The following GLDC variants were observed in gnomAD, a reference collection of about 807,000 sequenced individuals.
GLDC encodes the protein glycine dehydrogenase (decarboxylating), mitochondrial.
GLDC carries 104 observed loss-of-function variants against 121.3 expected under a neutral mutation model. The ratio of observed to expected loss-of-function variants is 0.86; its 90% CI spans 0.73 to 1.01. The LOEUF (loss-of-function observed/expected upper bound fraction) is 1.01. Ranked by LOEUF, GLDC falls within the 50% of genes least tolerant of loss-of-function variation. The probability of loss-of-function intolerance (pLI) is 0.00; values close to 1 mark genes in which losing one functional copy is unlikely to be tolerated. For synonymous variants in GLDC, 546 were observed against 480.6 expected (o/e 1.14, Z -1.78); for missense variants, 1,429 against 1,306.6 (o/e 1.09, Z -1.44).
chr9:6,616,145 T>A (rs1232311510), intron 3 of GLDC, among the ~76,000 whole-genome samples: 1 of 152,142 alleles, frequency 6.6e-6, no homozygotes, highest in Non-Finnish European at 1.5e-5. Flanking sequence ...AAAGTTGGAG[T>A]TTTTTTCGTT....
chr9:6,583,365 A>G (rs1408653442), intron 15 of GLDC, among the ~76,000 whole-genome samples: 2 of 152,216 alleles, frequency 1.3e-5, no homozygotes, highest in Non-Finnish European at 2.9e-5. Flanking sequence ...TATATATGCA[A>G]TGAAATATTC....
intron 3 of GLDC, 129 bp downstream of exon 3, chr9:6,620,055 G>A (rs1402906582): frequency 3.0e-5 from 27 of 889,410 alleles, no homozygotes; most frequent in African/African-American, 2.0e-4. Context: ...GTAGGTTCCC[G>A]GACATTGGAG....
At chr9:6,610,404 A>C in intron 3 of GLDC, 48 bp from the exon 4 acceptor site, 2 of 1,587,180 alleles carry the variant, frequency 1.3e-6, no homozygotes, top group Non-Finnish European at 1.7e-6. Flanking sequence ...CTGTTTAGAG[A>C]AGCACACAAA....
At chr9:6,599,743 A>G (rs918656905) in intron 8 of GLDC, among the ~76,000 whole-genome samples, 1 of 151,948 alleles carries the variant, frequency 6.6e-6, no homozygotes, top group South Asian at 2.1e-4. Context: ...AACAACCAAA[A>G]AAACAAATAA....
At chr9:6,538,103 A>G (rs1404776473) in intron 22 of GLDC, among the ~76,000 whole-genome samples, 1 of 150,320 alleles carries the variant, frequency 6.7e-6, no homozygotes, top group Non-Finnish European at 1.5e-5. Context: ...CACTCAAACC[A>G]GACAGGGATT....
chr9:6,600,686 A>G (rs546799609), intron 8 of GLDC, among the ~76,000 whole-genome samples: 12 of 151,944 alleles, frequency 7.9e-5, no homozygotes, highest in Admixed American at 2.0e-4. Flanking sequence ...GAAGAAAAAA[A>G]AAGAAGAAGA....
At chr9:6,549,909 A>G (rs1817475685) in intron 21 of GLDC, among the ~76,000 whole-genome samples, 2 of 152,092 alleles carry the variant, frequency 1.3e-5, no homozygotes, top group African/African-American at 2.4e-5. Flanking sequence ...TTTAATGGCT[A>G]TTGTCCAGCT....
At chr9:6,547,245 T>C (rs528446806) in intron 21 of GLDC, among the ~76,000 whole-genome samples, 5 of 152,222 alleles carry the variant, frequency 3.3e-5, no homozygotes, top group South Asian at 2.1e-4. Context: ...TTTTAAGATA[T>C]GGAAACAACA....
chr9:6,586,834 G>T (rs1160000986), intron 15 of GLDC, among the ~76,000 whole-genome samples: 1 of 152,116 alleles, frequency 6.6e-6, no homozygotes, highest in African/African-American at 2.4e-5. Context: ...CTGGGAACAC[G>T]CATTCTGAAC....
chr9:6,575,786 CATCAT>C (rs1818053211), intron 15 of GLDC, among the ~76,000 whole-genome samples: 1 of 152,208 alleles, frequency 6.6e-6, no homozygotes, highest in Non-Finnish European at 1.5e-5. Context: ...TTAAACATCA[CATCAT>C]AATTCTAAAC....
At chr9:6,565,538 T>G in intron 15 of GLDC, 109 bp from the exon 16 acceptor site, 1 of 826,974 alleles carries the variant, frequency 1.2e-6, no homozygotes, top group Middle Eastern at 2.3e-4. Flanking sequence ...TGACACATGG[T>G]CACTGTCCAG....
intron 15 of GLDC, among the ~76,000 whole-genome samples, chr9:6,578,342 C>G (rs1818112784): frequency 6.6e-6 from 1 of 151,908 alleles, no homozygotes; most frequent in African/African-American, 2.4e-5. Flanking sequence ...GTCTTGAACT[C>G]CTGAGCTCAA....
At chr9:6,544,953 G>T (rs1256638373) in intron 21 of GLDC, among the ~76,000 whole-genome samples, 1 of 152,026 alleles carries the variant, frequency 6.6e-6, no homozygotes, top group Non-Finnish European at 1.5e-5. Flanking sequence ...TACAAAGTTA[G>T]CCAGGCATGG....
chr9:6,563,549 A>G (rs1356597184), intron 16 of GLDC, among the ~76,000 whole-genome samples: 1 of 152,184 alleles, frequency 6.6e-6, no homozygotes, highest in Admixed American at 6.5e-5. Flanking sequence ...AACAGACAGG[A>G]GAGAATCTGG....
chr9:6,636,338 C>T (rs1819502136), intron 2 of GLDC, among the ~76,000 whole-genome samples: 1 of 151,606 alleles, frequency 6.6e-6, no homozygotes, highest in Non-Finnish European at 1.5e-5. Context: ...GATAATGATG[C>T]ATTAATGTAG....
At chr9:6,623,487 G>T (rs544041272) in intron 2 of GLDC, among the ~76,000 whole-genome samples, 11 of 150,374 alleles carry the variant, frequency 7.3e-5, no homozygotes, top group Non-Finnish European at 1.3e-4. Flanking sequence ...GCGGAAGGCC[G>T]CAGGGTCCTC....
At chr9:6,548,869 C>T (rs1288975167) in intron 21 of GLDC, among the ~76,000 whole-genome samples, 1 of 152,144 alleles carries the variant, frequency 6.6e-6, no homozygotes, top group Non-Finnish European at 1.5e-5. Context: ...TCCCTTCTCA[C>T]AGCTTAAAAT....
intron 15 of GLDC, among the ~76,000 whole-genome samples, chr9:6,571,492 G>A (rs1817967022): frequency 6.6e-6 from 1 of 152,192 alleles, no homozygotes; most frequent in African/African-American, 2.4e-5. Context: ...CTTGCAATGA[G>A]ACATTGCAGT....
chr9:6,574,496 A>G (rs1818025880), intron 15 of GLDC, among the ~76,000 whole-genome samples: 1 of 151,988 alleles, frequency 6.6e-6, no homozygotes, highest in Non-Finnish European at 1.5e-5. Context: ...AGAAAAAAAA[A>G]GAAAAGAAAT....
Sources: allele counts gnomAD v4.1 joint callset (sites outside exome capture counted in the v4.1 genomes callset), GRCh38; gene constraint gnomAD v4.1.1; transcripts MANE v1.5; gene names NCBI Gene and HGNC (gene_info 2026-07-23, HGNC 2026-07-21).